UPF2: variants seen among roughly 807,000 people sequenced by gnomAD.
The protein encoded by UPF2 is regulator of nonsense transcripts 2.
A neutral mutation model predicts 141.4 loss-of-function variants in UPF2; 17 were observed. That is an observed-to-expected ratio of 0.12 (90% CI 0.08 to 0.18). The LOEUF is 0.18. Ranked by LOEUF, UPF2 falls within the 10% of genes least tolerant of loss-of-function variation. The pLI, the probability that UPF2 is intolerant of heterozygous loss-of-function variation, is 1.00. For missense variants in UPF2, 1,152 were observed against 1,515.9 expected (o/e 0.76, Z 3.99); for synonymous variants, 540 against 498.0 (o/e 1.08, Z -1.12).
Position 11,978,566 on chromosome 10 carries a change from T to C in UPF2, c.1953+491A>G, listed in dbSNP as rs73571391. Among the ~76,000 whole-genome samples, 348 of 152,292 alleles carry C rather than the reference T, an allele frequency of 2.3e-3. 1 individual carries two copies. The highest frequency in any genetic ancestry group is 7.2e-3 in the African/African-American group (301 of 41,548). ...AGGGTGATCTTTAAAAAACTCACCATGGTCCAAGGTAAAACTTCTTAAGGC... is the reference window on the plus strand; with the variant it reads ...AGGGTGATCTTTAAAAAACTCACCACGGTCCAAGGTAAAACTTCTTAAGGC... On this transcript the variant is annotated intron_variant, in intron 9 of 21. Coordinates refer to ENST00000357604, the MANE Select transcript of UPF2 (RefSeq NM_015542.4).
intron 9 of UPF2, among the ~76,000 whole-genome samples, chr10:11,977,270 T>C (rs753093216): frequency 2.6e-5 from 4 of 152,074 alleles, no homozygotes; most frequent in Non-Finnish European, 5.9e-5. Context: ...AGGATGTGAG[T>C]GGTGAATGTG....
chr10:12,029,329 G>A lies in UPF2; in HGVS notation c.561C>T (p.Asp187=), dbSNP rs749632855. 3.7e-6 allele frequency: 6 copies of A among 1,614,184 alleles called. No homozygotes were observed. The highest frequency in any genetic ancestry group is 5.1e-6 in the Non-Finnish European group (6 of 1,180,026). The change falls in exon 3 of 22, where the codon GAC becomes GAT. Residue 187 remains aspartate, a synonymous_variant. Transcript: ENST00000357604. ...GGCCATTAAAATCATGGGACAAGGA[G>A]TCTCTCTGTTGTTCTGTAATAGTTT... The part of the protein sequence containing the change: ...KLKTITEQQR[D]SLSHDFNGLN...
At chr10:11,938,856 T>TG (rs1564337781) in intron 18 of UPF2, among the ~76,000 whole-genome samples, 19 of 67,028 alleles carry the variant, frequency 2.8e-4, no homozygotes, top group Non-Finnish European at 4.5e-4. Flanking sequence ...TTTTTTTGTT[T>TG]TTTTTTTTTT....
chr10:11,924,256 T>C (rs1012500137), intron 21 of UPF2, among the ~76,000 whole-genome samples: 4 of 152,174 alleles, frequency 2.6e-5, no homozygotes, highest in Non-Finnish European at 4.4e-5. Flanking sequence ...CAAATTAAAA[T>C]CTGGGAGTCC....
chr10:12,037,744 T>C (rs1181639426), intron 1 of UPF2, among the ~76,000 whole-genome samples: 3 of 152,190 alleles, frequency 2.0e-5, no homozygotes, highest in East Asian at 1.9e-4. Context: ...TATTTTCAAA[T>C]ATAGGTTTTA....
At chr10:11,981,064 C>T (rs891256515) in intron 8 of UPF2, among the ~76,000 whole-genome samples, 1 of 152,030 alleles carries the variant, frequency 6.6e-6, no homozygotes, top group Non-Finnish European at 1.5e-5. Flanking sequence ...TGGCACCTGC[C>T]TGTAATCCCA....
intron 3 of UPF2, chr10:12,026,786 G>A (rs1263242303): frequency 2.6e-6 from 1 of 390,584 alleles, no homozygotes; most frequent in Non-Finnish European, 4.9e-6. Flanking sequence ...ACAAGTAGCT[G>A]GGATTACCGG....
chr10:11,947,095 G>A (rs1833010404), intron 16 of UPF2, among the ~76,000 whole-genome samples: 1 of 152,152 alleles, frequency 6.6e-6, no homozygotes, highest in African/African-American at 2.4e-5. Context: ...CTAGCTACTT[G>A]GGAAGCTGAG....
At chr10:11,965,875 A>G (rs998191763) in intron 10 of UPF2, among the ~76,000 whole-genome samples, 1 of 152,188 alleles carries the variant, frequency 6.6e-6, no homozygotes, top group Admixed American at 6.5e-5. Flanking sequence ...TTTGTGTGAT[A>G]TATCTATTAA....
At chr10:11,993,247 A>C (rs1833811198) in intron 8 of UPF2, among the ~76,000 whole-genome samples, 1 of 152,076 alleles carries the variant, frequency 6.6e-6, no homozygotes. Context: ...ACCAAGAAGA[A>C]CACTTTATAA....
rs1407203998 is a variant in UPF2 at position 11,979,623 on chromosome 10, T to C, written c.1845-458A>G. On this transcript the variant is annotated intron_variant, in intron 8 of 21. Coordinates refer to ENST00000357604, the MANE Select transcript of UPF2 (RefSeq NM_015542.4). The surrounding 1 kb of genome is among the most constrained non-coding windows in gnomAD (Gnocchi z 6.2). ...AGGTCTAAAGTAAAAAGGTAATCAA[T>C]AGGCTGGGCGTGGTAGCTCACGCCT... 6.6e-6 allele frequency among the ~76,000 whole-genome samples: 1 copy of C among 152,154 alleles called. No homozygotes were observed. Among genetic ancestry groups the C allele is most frequent in the Non-Finnish European group, 1.5e-5 (1 of 68,024 alleles).
rs1303267685 is a variant in UPF2, at chr10:11,973,115, T to C, written c.1954-5661A>G. Among the ~76,000 whole-genome samples the C allele has an allele frequency of 5.9e-5, 9 of 152,362 alleles. No individual in the cohort carries two copies. The East Asian group carries it at 1.5e-3, about 26-fold the overall frequency. On this transcript the variant is annotated intron_variant, in intron 9 of 21. Transcript: ENST00000357604. The stretch of plus-strand genomic sequence containing the variant: ...ATGGTATCTCATTGTGGTTTTGATT[T>C]GCATTTCTCTGATGGCCAGTGATGA...
chr10:11,952,790 T>G (rs1833095286), intron 14 of UPF2, among the ~76,000 whole-genome samples: 1 of 152,080 alleles, frequency 6.6e-6, no homozygotes, highest in East Asian at 1.9e-4. Flanking sequence ...ATCTTTTTAT[T>G]ATAACTGTCA....
intron 4 of UPF2, among the ~76,000 whole-genome samples, chr10:12,010,022 T>C (rs1834101001): frequency 6.6e-6 from 1 of 152,198 alleles, no homozygotes; most frequent in African/African-American, 2.4e-5. Context: ...AAGAATCTTC[T>C]ATGACTCTAC....
At chr10:12,006,729 T>C (rs1009752132) in intron 4 of UPF2, among the ~76,000 whole-genome samples, 4 of 152,308 alleles carry the variant, frequency 2.6e-5, no homozygotes, top group Admixed American at 6.5e-5. Flanking sequence ...ATAATGAATA[T>C]ATTTGGTGTT....
chr10:12,028,625 A>C, intron 3 of UPF2, 120 bp downstream of exon 3: 2 of 1,003,564 alleles, frequency 2.0e-6, no homozygotes, highest in Non-Finnish European at 2.8e-6. Flanking sequence ...CTGGAATGTT[A>C]AGAAATCACC....
intron 8 of UPF2, 49 bp downstream of exon 8, chr10:11,997,623 A>G: frequency 6.6e-7 from 1 of 1,523,336 alleles, no homozygotes; most frequent in Non-Finnish European, 9.0e-7. Context: ...TCTTACAGCC[A>G]GCACTACAGA....
At chr10:11,990,168 C>G (rs1833755580) in intron 8 of UPF2, among the ~76,000 whole-genome samples, 3 of 152,180 alleles carry the variant, frequency 2.0e-5, no homozygotes, top group Admixed American at 2.0e-4. Context: ...AAAGCTGGCC[C>G]AAACAGGGCA....
chr10:11,978,659 G>A (rs1833544811), intron 9 of UPF2, among the ~76,000 whole-genome samples: 2 of 152,120 alleles, frequency 1.3e-5, no homozygotes, highest in Non-Finnish European at 2.9e-5. Flanking sequence ...ACTTGCAGAC[G>A]CCACACATTT....
Sources: allele counts gnomAD v4.1 joint callset (sites outside exome capture counted in the v4.1 genomes callset), GRCh38; gene constraint gnomAD v4.1.1; non-coding constraint Gnocchi (gnomAD v3.1); transcripts MANE v1.5; gene names NCBI Gene and HGNC (gene_info 2026-07-23, HGNC 2026-07-21).